The following MAP3K15 variants were observed in gnomAD, a reference collection of about 807,000 sequenced individuals.
The protein encoded by MAP3K15 is mitogen-activated protein kinase kinase kinase 15, also known as MAPK/ERK kinase kinase 15.
MAP3K15 carries 124 observed loss-of-function variants against 99.5 expected under a neutral mutation model. The observed-to-expected ratio is 1.25, with a 90% CI of 1.08 to 1.45. The LOEUF (loss-of-function observed/expected upper bound fraction) is 1.45. Among genes scored for constraint, MAP3K15 ranks in the 40% most tolerant of loss-of-function variants. The probability of loss-of-function intolerance (pLI) is 0.00; values close to 1 mark genes in which losing one functional copy is unlikely to be tolerated. For missense variants in MAP3K15, 1,242 were observed against 1,079.7 expected, an observed-to-expected ratio of 1.15 and a Z score of -2.11; for synonymous variants, 494 against 439.6, an observed-to-expected ratio of 1.12 and a Z score of -1.55.
chrX:19,506,240 T>C (rs1485583949), intron 1 of MAP3K15, among the ~76,000 whole-genome samples: 2 of 110,690 alleles, frequency 1.8e-5, no homozygotes, highest in Non-Finnish European at 3.8e-5. Context: ...GGCCTGATTT[T>C]TGTATTATTA....
chrX:19,421,605 C>T (rs1238650166), intron 9 of MAP3K15, among the ~76,000 whole-genome samples: 1 of 106,682 alleles, frequency 9.4e-6, no homozygotes, highest in Non-Finnish European at 1.9e-5. Flanking sequence ...CCATACTGCC[C>T]AAGGTAATTT....
At chrX:19,456,513 G>A (rs1342079057) in intron 6 of MAP3K15, among the ~76,000 whole-genome samples, 2 of 112,121 alleles carry the variant, frequency 1.8e-5, no homozygotes, top group African/African-American at 6.5e-5. Context: ...CTTCTGGGGT[G>A]ATGGAAATGT....
At chrX:19,484,359 A>T (rs771318790) in intron 3 of MAP3K15, among the ~76,000 whole-genome samples, 108 of 112,020 alleles carry the variant, frequency 9.6e-4, no homozygotes, top group African/African-American at 3.2e-3. Context: ...AAGCAGTTTC[A>T]TCCTGAAACC....
chrX:19,468,297 G>A (rs2064182821), intron 3 of MAP3K15, among the ~76,000 whole-genome samples: 2 of 112,055 alleles, frequency 1.8e-5, no homozygotes, highest in African/African-American at 6.5e-5. Flanking sequence ...GAACCTTCCT[G>A]AGGTCAGACC....
At chrX:19,506,790 C>A (rs1408510040) in intron 1 of MAP3K15, among the ~76,000 whole-genome samples, 2 of 112,279 alleles carry the variant, frequency 1.8e-5, no homozygotes, top group Admixed American at 9.5e-5. Context: ...TCCCAAAGCC[C>A]TGGTATTACA....
intron 3 of MAP3K15, among the ~76,000 whole-genome samples, chrX:19,469,499 T>G (rs939597732): frequency 5.4e-5 from 6 of 111,156 alleles, no homozygotes; most frequent in Non-Finnish European, 7.6e-5. Context: ...GGCAAGGACT[T>G]CATGTCTAAA....
Position 19,361,596 on chromosome X carries a change from G to T in MAP3K15, c.3680-3C>A, listed in dbSNP as rs1340071069. On this transcript the variant is annotated splice_region_variant and splice_polypyrimidine_tract_variant and intron_variant, in intron 26 of 28. Transcript: ENST00000338883. ...GCCTGCTGGGTTCTCTGTAATACCTGTAACGATTGGCAATTTGTTATATAT... is the reference window on the plus strand; with the variant it reads ...GCCTGCTGGGTTCTCTGTAATACCTTTAACGATTGGCAATTTGTTATATAT... 1.7e-6 allele frequency: 2 copies of T among 1,163,934 alleles called. No individual in the cohort carries two copies. The highest frequency in any genetic ancestry group is 2.3e-6 in the Non-Finnish European group (2 of 855,469).
At chrX:19,371,584 C>T in intron 22 of MAP3K15, 54 bp from the exon 23 acceptor site, 1 of 1,070,196 alleles carries the variant, frequency 9.3e-7, no homozygotes, top group Non-Finnish European at 1.3e-6. Flanking sequence ...AGCGAGAGTT[C>T]AGAACACACT....
chrX:19,456,905 G>C lies in MAP3K15; in HGVS notation c.995+8C>G. On this transcript the variant is annotated splice_region_variant and intron_variant, in intron 6 of 28. Coordinates refer to ENST00000338883, the MANE Select transcript of MAP3K15 (RefSeq NM_001001671.4). ...TTTCAAAACCTGTACGTACATTATC[G>C]TTCTTACCTATTCAGTGCAAACGCA... 1 of 1,158,179 alleles carries C rather than the reference G, an allele frequency of 8.6e-7. No individual in the cohort carries two copies. Among genetic ancestry groups the C allele is most frequent in the Non-Finnish European group, 1.2e-6 (1 of 859,063 alleles).
At position 19,413,446 on chromosome X, in the gene MAP3K15, T is replaced by C; in HGVS notation, c.1609A>G (p.Thr537Ala). 1.7e-6 allele frequency: 2 copies of C among 1,205,528 alleles called. No individual in the cohort carries two copies. The highest frequency in any genetic ancestry group is 2.2e-6 in the Non-Finnish European group (2 of 891,224). The change falls in exon 11 of 29, where the codon ACC becomes GCC. Residue 537 changes from threonine (T) to alanine (A), a missense_variant. Transcript: ENST00000338883. ...LRFPVLVIEP[T>A]KVYQPSYVSI... ...ACATAAGAAGGCTGGTACACTTTGG[T>C]TGGCTCTATGACCAGAACCTGAAAC...
intron 14 of MAP3K15, among the ~76,000 whole-genome samples, chrX:19,398,650 G>A (rs1026043099): frequency 3.6e-5 from 4 of 111,497 alleles, no homozygotes; most frequent in Non-Finnish European, 7.5e-5. Context: ...CCATTTTAAC[G>A]CTGCAATTTA....
intron 21 of MAP3K15, chrX:19,373,185 G>A (rs981025571): frequency 3.6e-5 from 7 of 192,392 alleles, no homozygotes; most frequent in Non-Finnish European, 5.4e-5. Flanking sequence ...GGAGGGGCCA[G>A]GAGGAGGAGG....
intron 5 of MAP3K15, among the ~76,000 whole-genome samples, chrX:19,458,714 A>C (rs1336796348): frequency 8.9e-6 from 1 of 111,890 alleles, no homozygotes; most frequent in Non-Finnish European, 1.9e-5. Context: ...TTTGAAAAAC[A>C]GAAATAAAAT....
intron 1 of MAP3K15, among the ~76,000 whole-genome samples, chrX:19,507,596 A>G (rs1033535897): frequency 7.8e-5 from 8 of 102,183 alleles, no homozygotes; most frequent in African/African-American, 2.9e-4. Flanking sequence ...AAAAAAAAAA[A>G]AAAAAAAAAA....
At chrX:19,427,882 G>T (rs185688767) in intron 7 of MAP3K15, among the ~76,000 whole-genome samples, 8 of 110,991 alleles carry the variant, frequency 7.2e-5, no homozygotes, top group Non-Finnish European at 1.5e-4. Context: ...AGAGGACACC[G>T]AGAAAGTCCT....
chrX:19,423,509 C>T (rs2063804145), intron 9 of MAP3K15, among the ~76,000 whole-genome samples: 1 of 112,187 alleles, frequency 8.9e-6, no homozygotes, highest in South Asian at 3.7e-4. Context: ...GTGGTCACAA[C>T]CTCTTTGGTA....
At chrX:19,362,679 C>A in intron 26 of MAP3K15, 59 bp downstream of exon 26, 1 of 717,838 alleles carries the variant, frequency 1.4e-6, no homozygotes, top group Non-Finnish European at 2.2e-6. Context: ...AATGTTTCTT[C>A]AAAGCTAACT....
At chrX:19,468,099 C>T (rs1166175137) in intron 3 of MAP3K15, among the ~76,000 whole-genome samples, 1 of 111,910 alleles carries the variant, frequency 8.9e-6, no homozygotes, top group African/African-American at 3.2e-5. Flanking sequence ...TGCAGCTCTT[C>T]ACAAGGAGAG....
intron 6 of MAP3K15, among the ~76,000 whole-genome samples, chrX:19,453,171 A>T (rs1407836886): frequency 9.0e-6 from 1 of 111,424 alleles, no homozygotes; most frequent in Non-Finnish European, 1.9e-5. Context: ...AGTGGTTAAG[A>T]TGGTAAATTT....
Sources: gnomAD v4.1 joint callset for allele counts (sites outside exome capture counted in the v4.1 genomes callset) on GRCh38, gnomAD v4.1.1 for gene constraint, MANE v1.5 for transcripts, NCBI Gene and HGNC (gene_info 2026-07-23, HGNC 2026-07-21) for gene names.